The following NIBAN1 variants were observed in gnomAD, a reference collection of about 807,000 sequenced individuals.
NIBAN1 encodes protein Niban 1.
Under a neutral mutation model 75.1 loss-of-function variants are expected in NIBAN1, and 81 were observed. That is an observed-to-expected ratio of 1.08 (90% confidence interval 0.90 to 1.30). The LOEUF (loss-of-function observed/expected upper bound fraction) is 1.30, where lower values mean the gene tolerates loss of function less well. NIBAN1 is among the 50% of genes most tolerant of loss of function. The pLI is 0.00. For synonymous variants in NIBAN1, 436 were observed against 424.8 expected, an observed-to-expected ratio of 1.03 and a Z score of -0.32; for missense variants, 1,133 against 1,128.1, an observed-to-expected ratio of 1.00 and a Z score of -0.06.
intron 1 of NIBAN1, among the ~76,000 whole-genome samples, chr1:184,902,610 G>A (rs1656981801): frequency 6.6e-6 from 1 of 152,150 alleles, no homozygotes; most frequent in African/African-American, 2.4e-5. Context: ...TCTTGCACTA[G>A]GGCCATCCTG....
intron 1 of NIBAN1, among the ~76,000 whole-genome samples, chr1:184,918,530 G>A (rs1251106071): frequency 6.6e-6 from 1 of 152,114 alleles, no homozygotes; most frequent in African/African-American, 2.4e-5. Context: ...CCCCACAGTG[G>A]TTAAGCATAG....
chr1:184,877,363 A>G (rs2101959939), intron 5 of NIBAN1, among the ~76,000 whole-genome samples: 1 of 152,282 alleles, frequency 6.6e-6, no homozygotes, highest in East Asian at 1.9e-4. Flanking sequence ...TCTCAAAGGA[A>G]AAAGAAGGCT....
chr1:184,890,902 A>G (rs575060085), intron 3 of NIBAN1, among the ~76,000 whole-genome samples: 11 of 152,324 alleles, frequency 7.2e-5, no homozygotes, highest in African/African-American at 2.4e-4. Flanking sequence ...CTATGCCCAC[A>G]AGGACATGCA....
chr1:184,872,608 G>A (rs1656140469), intron 5 of NIBAN1, among the ~76,000 whole-genome samples: 1 of 152,068 alleles, frequency 6.6e-6, no homozygotes, highest in Non-Finnish European at 1.5e-5. Flanking sequence ...TTGGGAGGCT[G>A]AGACAGGAGA....
chr1:184,811,751 C>G (rs1035220803), intron 9 of NIBAN1, among the ~76,000 whole-genome samples: 2 of 152,144 alleles, frequency 1.3e-5, no homozygotes, highest in African/African-American at 4.8e-5. Context: ...CTCGGCCTCC[C>G]AAAGTGCCAG....
intron 4 of NIBAN1, chr1:184,888,104 A>T (rs915362864): frequency 6.6e-6 from 1 of 152,192 alleles, no homozygotes; most frequent in Non-Finnish European, 1.5e-5. Context: ...TGGGAGGATT[A>T]CTTGAGCCCA....
At chr1:184,957,305 G>T (rs1483930876) in intron 1 of NIBAN1, among the ~76,000 whole-genome samples, 2 of 152,148 alleles carry the variant, frequency 1.3e-5, no homozygotes, top group Non-Finnish European at 2.9e-5. Context: ...GTTGTTTAAA[G>T]GTGCCTATTT....
intron 8 of NIBAN1, among the ~76,000 whole-genome samples, chr1:184,821,703 TG>T (rs1299715448): frequency 2.0e-5 from 3 of 152,184 alleles, no homozygotes; most frequent in Non-Finnish European, 4.4e-5. Flanking sequence ...GCACAGAAGT[TG>T]AGCACTGGTA....
intron 1 of NIBAN1, among the ~76,000 whole-genome samples, chr1:184,970,144 T>C (rs1475861457): frequency 3.6e-5 from 5 of 138,264 alleles, no homozygotes; most frequent in Non-Finnish European, 6.1e-5. Flanking sequence ...CACTCTAGTC[T>C]GGGTGACAGA....
chr1:184,879,973 G>A (rs772925050), intron 5 of NIBAN1, among the ~76,000 whole-genome samples: 9 of 152,132 alleles, frequency 5.9e-5, no homozygotes, highest in East Asian at 3.9e-4. Context: ...TGATACTACC[G>A]TTTTCAACCC....
chr1:184,863,983 T>G (rs752605814), intron 5 of NIBAN1, among the ~76,000 whole-genome samples: 4 of 152,208 alleles, frequency 2.6e-5, no homozygotes, highest in Admixed American at 6.5e-5. Flanking sequence ...CATTCAATAA[T>G]TGGTTGCTAG....
chr1:184,886,637 A>T (rs562856836), intron 4 of NIBAN1, among the ~76,000 whole-genome samples: 35 of 152,196 alleles, frequency 2.3e-4, no homozygotes, highest in Non-Finnish European at 3.8e-4. Context: ...ACTTGGTTAA[A>T]TGAGTTCCAA....
rs751256120 is a variant in NIBAN1 at position 184,823,325 on chromosome 1, A to G, written c.827T>C (p.Leu276Pro). 4 of 1,614,010 alleles carry G rather than the reference A, an allele frequency of 2.5e-6. No homozygotes were observed. In the South Asian group the frequency reaches 4.4e-5, roughly 18 times the overall value. ...CTGAACCAGGGTGTAGGCCTCCTCG[A>G]GGAGCTGCAACAAGGAATAACACAT... is the stretch of plus-strand genomic sequence containing the variant. ...NDRKRTWLGLLEEAYTLVQHQ... is the reference protein window; with the variant it reads ...NDRKRTWLGLPEEAYTLVQHQ... Residue 276 changes from leucine to proline, a missense_variant, in exon 8 of 14, where the codon CTC becomes CCC. Leu to Pro is a moderately conservative substitution (Grantham distance 98). Coordinates refer to ENST00000367511, the MANE Select transcript of NIBAN1 (RefSeq NM_052966.4).
At chr1:184,963,143 G>T (rs1658695042) in intron 1 of NIBAN1, among the ~76,000 whole-genome samples, 1 of 151,968 alleles carries the variant, frequency 6.6e-6, no homozygotes, top group South Asian at 2.1e-4. Context: ...CTGTGACCAA[G>T]TAGGGTATAT....
At chr1:184,935,299 A>G (rs1414652511) in intron 1 of NIBAN1, among the ~76,000 whole-genome samples, 1 of 152,116 alleles carries the variant, frequency 6.6e-6, no homozygotes, top group African/African-American at 2.4e-5. Context: ...GAGTCCCAGC[A>G]GTTCGAGACC....
intron 1 of NIBAN1, among the ~76,000 whole-genome samples, chr1:184,933,187 A>C (rs965037493): frequency 6.6e-6 from 1 of 152,158 alleles, no homozygotes; most frequent in Non-Finnish European, 1.5e-5. Context: ...ACACCTTACC[A>C]TCCCTGCTAT....
At chr1:184,869,765 C>T (rs1656053805) in intron 5 of NIBAN1, among the ~76,000 whole-genome samples, 1 of 152,162 alleles carries the variant, frequency 6.6e-6, no homozygotes, top group East Asian at 1.9e-4. Flanking sequence ...TAGTCTCAAA[C>T]TCCTGACCTC....
intron 5 of NIBAN1, among the ~76,000 whole-genome samples, chr1:184,844,093 G>A (rs1655369857): frequency 3.9e-5 from 6 of 152,160 alleles, no homozygotes; most frequent in Admixed American, 3.3e-4. Flanking sequence ...CTTATTTCTG[G>A]AAATGCTGTT....
chr1:184,894,250 C>T, intron 2 of NIBAN1, 44 bp from the exon 3 acceptor site: 3 of 1,541,982 alleles, frequency 1.9e-6, no homozygotes, highest in East Asian at 2.4e-5. Context: ...CAAAAGATAA[C>T]ACACCTTGTT....
Sources: allele counts gnomAD v4.1 joint callset (sites outside exome capture counted in the v4.1 genomes callset), GRCh38; gene constraint gnomAD v4.1.1; transcripts MANE v1.5; gene names NCBI Gene and HGNC (gene_info 2026-07-23, HGNC 2026-07-21).